ATP8A2: variants seen among roughly 807,000 people sequenced by gnomAD.
ATP8A2 encodes the protein ATPase phospholipid transporting 8A2, also known as phospholipid-transporting ATPase IB.
ATP8A2 carries 100 observed loss-of-function variants against 165.6 expected under a neutral mutation model. The ratio of observed to expected loss-of-function variants is 0.60; its 90% CI spans 0.51 to 0.71. The LOEUF is 0.71. ATP8A2 is among the 30% of genes least tolerant of loss of function. The pLI is 0.00. For missense variants in ATP8A2, 1,227 were observed against 1,479.5 expected (o/e 0.83, Z 2.80); for synonymous variants, 543 against 548.8 (o/e 0.99, Z 0.15).
intron 2 of ATP8A2, among the ~76,000 whole-genome samples, chr13:25,500,284 A>G: frequency 6.6e-6 from 1 of 152,204 alleles, no homozygotes; most frequent in Non-Finnish European, 1.5e-5. Flanking sequence ...TAGAGAATTC[A>G]AGGGAACTCA....
chr13:25,469,919 A>G (rs2035796586), intron 2 of ATP8A2, among the ~76,000 whole-genome samples: 2 of 152,224 alleles, frequency 1.3e-5, no homozygotes, highest in Non-Finnish European at 2.9e-5. Context: ...TCAGGCTTAA[A>G]CAACTTTGTA....
intron 24 of ATP8A2, among the ~76,000 whole-genome samples, chr13:25,631,027 G>A (rs2041228804): frequency 6.6e-6 from 1 of 152,136 alleles, no homozygotes; most frequent in African/African-American, 2.4e-5. Context: ...CTTAATTACA[G>A]TATTTGCATC....
At chr13:25,375,870 A>G (rs531367754) in intron 1 of ATP8A2, among the ~76,000 whole-genome samples, 1 of 152,272 alleles carries the variant, frequency 6.6e-6, no homozygotes, top group African/African-American at 2.4e-5. Flanking sequence ...CGTTTGGACC[A>G]GGACTACAAA....
At chr13:25,876,794 G>A (rs929444367) in intron 33 of ATP8A2, among the ~76,000 whole-genome samples, 5 of 152,120 alleles carry the variant, frequency 3.3e-5, no homozygotes, top group Non-Finnish European at 1.5e-5. Context: ...TGTCTGGAAT[G>A]TAAAGAAAGA....
rs144576142 is a variant in ATP8A2, at chr13:25,393,072, A to G, written c.76+20784A>G. ...TTTCCCTGAGCCATATTGACACTTT[A>G]TCTGTACCACTTTTTAGTTCATGGA... On this transcript the variant is annotated intron_variant, in intron 1 of 36. Coordinates refer to ENST00000381655, the MANE Select transcript of ATP8A2 (RefSeq NM_016529.6). Among the ~76,000 whole-genome samples, 683 of 151,434 alleles carry G rather than the reference A, an allele frequency of 4.5e-3. 7 individuals are homozygous for G. The highest frequency in any genetic ancestry group is 0.014 in the African/African-American group (574 of 41,220).
At chr13:25,972,101 C>T (rs919667376) in intron 35 of ATP8A2, among the ~76,000 whole-genome samples, 1 of 152,280 alleles carries the variant, frequency 6.6e-6, no homozygotes, top group Non-Finnish European at 1.5e-5. Flanking sequence ...AATCTGTATG[C>T]ATTAATCTTT....
intron 33 of ATP8A2, among the ~76,000 whole-genome samples, chr13:25,875,224 T>A (rs960133444): frequency 6.6e-6 from 1 of 152,026 alleles, no homozygotes; most frequent in African/African-American, 2.4e-5. Context: ...TTAAAATGGC[T>A]AAGATAGTAA....
intron 24 of ATP8A2, among the ~76,000 whole-genome samples, chr13:25,646,044 A>C (rs1453342764): frequency 6.6e-6 from 1 of 152,106 alleles, no homozygotes; most frequent in African/African-American, 2.4e-5. Context: ...ATTGGAATCT[A>C]TCTCTCCCTT....
chr13:25,730,918 T>C (rs1008189220), intron 25 of ATP8A2, among the ~76,000 whole-genome samples: 3 of 151,686 alleles, frequency 2.0e-5, no homozygotes, highest in African/African-American at 7.3e-5. Flanking sequence ...CTACAAAAAC[T>C]CAAAAAATTA....
At chr13:25,520,609 T>TG (rs1480497259) in intron 2 of ATP8A2, among the ~76,000 whole-genome samples, 10 of 146,220 alleles carry the variant, frequency 6.8e-5, no homozygotes, top group African/African-American at 2.5e-4. Context: ...TTTTTTTGTT[T>TG]TTTTTTTTTG....
At chr13:25,542,281 G>A (rs559202375) in intron 9 of ATP8A2, among the ~76,000 whole-genome samples, 21 of 152,132 alleles carry the variant, frequency 1.4e-4, no homozygotes, top group Non-Finnish European at 2.9e-4. Flanking sequence ...CTGCCAGGCA[G>A]GAGAAATGGT....
chr13:25,744,997 G>A (rs2043998784), intron 25 of ATP8A2, among the ~76,000 whole-genome samples: 1 of 151,904 alleles, frequency 6.6e-6, no homozygotes, highest in African/African-American at 2.4e-5. Flanking sequence ...CTGGAGTGCA[G>A]TGGCACGATC....
intron 27 of ATP8A2, among the ~76,000 whole-genome samples, chr13:25,817,961 A>G (rs1951073021): frequency 6.6e-6 from 1 of 152,198 alleles, no homozygotes; most frequent in African/African-American, 2.4e-5. Flanking sequence ...GATTATAGGT[A>G]GGAGCCACTG....
intron 24 of ATP8A2, among the ~76,000 whole-genome samples, chr13:25,696,284 A>G (rs930679928): frequency 2.0e-5 from 3 of 151,806 alleles, no homozygotes; most frequent in Non-Finnish European, 4.4e-5. Flanking sequence ...ATTTAGCATA[A>G]ATTTTCAGAA....
rs146906111 is a variant in ATP8A2, at chr13:25,958,120, C to T, written c.3184-3455C>T. Among the ~76,000 whole-genome samples, 1,285 of 151,738 alleles carry T rather than the reference C, an allele frequency of 8.5e-3. 9 individuals carry two copies. Among genetic ancestry groups the T allele is most frequent in the Non-Finnish European group, 0.012 (818 of 67,898 alleles). On this transcript the variant is annotated intron_variant, in intron 33 of 36. Transcript: ENST00000381655. ...ACACAGGGAGGGGAACATCACACAC[C>T]AGGACCTGTTGTGGGGTGGGGGACT...
chr13:25,798,016 G>A (rs1010549457), intron 27 of ATP8A2, among the ~76,000 whole-genome samples: 2 of 151,926 alleles, frequency 1.3e-5, no homozygotes, highest in African/African-American at 4.8e-5. Context: ...ATATCCAATG[G>A]GAATGAATCT....
At chr13:25,889,921 G>A (rs1016503852) in intron 33 of ATP8A2, among the ~76,000 whole-genome samples, 3 of 152,004 alleles carry the variant, frequency 2.0e-5, no homozygotes, top group African/African-American at 7.2e-5. Context: ...CCAGCACTTT[G>A]GAAGGCCAAC....
At chr13:25,904,735 C>T (rs1223976447) in intron 33 of ATP8A2, among the ~76,000 whole-genome samples, 1 of 152,190 alleles carries the variant, frequency 6.6e-6, no homozygotes, top group African/African-American at 2.4e-5. Context: ...GCTTATATAA[C>T]ACATTGTGTG....
At chr13:25,547,937 C>G (rs2038702762) in intron 10 of ATP8A2, among the ~76,000 whole-genome samples, 1 of 152,114 alleles carries the variant, frequency 6.6e-6, no homozygotes, top group Non-Finnish European at 1.5e-5. Flanking sequence ...AAAAGCTCAT[C>G]ATTGGGCCAG....
Sources: gnomAD v4.1 joint callset for allele counts (sites outside exome capture counted in the v4.1 genomes callset) on GRCh38, gnomAD v4.1.1 for gene constraint, MANE v1.5 for transcripts, NCBI Gene and HGNC (gene_info 2026-07-23, HGNC 2026-07-21) for gene names.